GMDS: variants seen among roughly 807,000 people sequenced by gnomAD.
GMDS encodes GDP-mannose 4,6-dehydratase.
GMDS carries 20 observed loss-of-function variants against 49.9 expected under a neutral mutation model. The observed-to-expected ratio is 0.40, with a 90% CI of 0.28 to 0.58. GMDS has a LOEUF of 0.58. Among genes scored for constraint, GMDS ranks in the 20% least tolerant of loss-of-function variants. The pLI is 0.42. For synonymous variants in GMDS, 177 were observed against 178.6 expected (o/e 0.99, Z 0.07); for missense variants, 362 against 481.4 (o/e 0.75, Z 2.32).
At chr6:1,944,272 C>T (rs1037831965) in intron 6 of GMDS, among the ~76,000 whole-genome samples, 1 of 152,052 alleles carries the variant, frequency 6.6e-6, no homozygotes, top group Non-Finnish European at 1.5e-5. Flanking sequence ...CTTGGGAGGC[C>T]GAGGCGGACG....
intron 9 of GMDS, among the ~76,000 whole-genome samples, chr6:1,630,578 C>T (rs535660667): frequency 1.3e-5 from 2 of 152,216 alleles, no homozygotes; most frequent in African/African-American, 4.8e-5. Flanking sequence ...TCAGAGGCTG[C>T]GCTGGGAAGC....
At chr6:2,205,253 G>C (rs1057369969) in intron 1 of GMDS, among the ~76,000 whole-genome samples, 1 of 152,156 alleles carries the variant, frequency 6.6e-6, no homozygotes, top group Non-Finnish European at 1.5e-5. Flanking sequence ...AGAGCTGTAT[G>C]TTCTTTGCTT....
At chr6:2,206,115 G>A (rs548086498) in intron 1 of GMDS, among the ~76,000 whole-genome samples, 246 of 152,152 alleles carry the variant, frequency 1.6e-3, no homozygotes, top group African/African-American at 5.3e-3. Flanking sequence ...AAAATTAGCC[G>A]GGCGTGGTGG....
At chr6:2,002,758 CT>C (rs1159786278) in intron 4 of GMDS, among the ~76,000 whole-genome samples, 2 of 152,118 alleles carry the variant, frequency 1.3e-5, no homozygotes, top group Admixed American at 6.5e-5. Context: ...AATACTACCC[CT>C]AGAAATAAAT....
intron 7 of GMDS, among the ~76,000 whole-genome samples, chr6:1,879,506 G>A (rs1403641246): frequency 6.6e-6 from 1 of 151,804 alleles, no homozygotes; most frequent in Non-Finnish European, 1.5e-5. Flanking sequence ...GCCAATATAG[G>A]CATTTTTATG....
intron 1 of GMDS, among the ~76,000 whole-genome samples, chr6:2,216,948 C>G (rs1293702221): frequency 6.6e-6 from 1 of 152,126 alleles, no homozygotes; most frequent in Admixed American, 6.5e-5. Flanking sequence ...GGTTCCTACT[C>G]CAGGACACTT....
intron 1 of GMDS, among the ~76,000 whole-genome samples, chr6:2,133,607 G>A (rs555814744): frequency 6.6e-6 from 1 of 152,294 alleles, no homozygotes; most frequent in Admixed American, 6.5e-5. Context: ...ATGCATTTCA[G>A]ATCTGCTCTG....
At chr6:1,999,063 C>A (rs374715260) in intron 4 of GMDS, among the ~76,000 whole-genome samples, 1 of 152,004 alleles carries the variant, frequency 6.6e-6, no homozygotes, top group African/African-American at 2.4e-5. Flanking sequence ...GTGGCTCACG[C>A]CTGTAATCCC....
intron 6 of GMDS, among the ~76,000 whole-genome samples, chr6:1,946,507 T>A (rs1021559684): frequency 2.4e-5 from 2 of 84,778 alleles, no homozygotes; most frequent in African/African-American, 1.1e-4. Flanking sequence ...TGCTATGCTA[T>A]CATTATCATT....
chr6:2,216,188 T>C (rs939371351), intron 1 of GMDS, among the ~76,000 whole-genome samples: 2 of 152,226 alleles, frequency 1.3e-5, no homozygotes, highest in Non-Finnish European at 2.9e-5. Flanking sequence ...AGATTTTAGA[T>C]TAAATAGTTT....
chr6:1,994,057 G>T (rs1022358932), intron 4 of GMDS, among the ~76,000 whole-genome samples: 1 of 152,170 alleles, frequency 6.6e-6, no homozygotes, highest in Non-Finnish European at 1.5e-5. Flanking sequence ...GACTTACAAG[G>T]AAGCCTGCAA....
Position 1,778,434 on chromosome 6 carries a change from G to A in GMDS, c.772-35848C>T, listed in dbSNP as rs1768929927. ...GAGACAGCAGACGAGTGGAACGGCG[G>A]GCACTGTGCTGAGGAGTGGCCAAGG... On this transcript the variant is annotated intron_variant, in intron 7 of 10. Coordinates refer to ENST00000380815, the MANE Select transcript of GMDS (RefSeq NM_001500.4). This position sits in a 1 kb window ranked among gnomAD's most constrained non-coding sequence, Gnocchi z 4.6. 6.6e-6 allele frequency among the ~76,000 whole-genome samples: 1 copy of A among 152,180 alleles called. No individual in the cohort carries two copies. The highest frequency in any genetic ancestry group is 6.5e-5 in the Admixed American group (1 of 15,280).
At chr6:1,880,284 CAA>C (rs34490393) in intron 7 of GMDS, among the ~76,000 whole-genome samples, 109 of 59,128 alleles carry the variant, frequency 1.8e-3, no homozygotes, top group African/African-American at 4.1e-3. Context: ...CTCATTTCCA[CAA>C]AAAAAAAAAA....
chr6:1,990,066 G>A (rs1321494907), intron 4 of GMDS, among the ~76,000 whole-genome samples: 1 of 152,232 alleles, frequency 6.6e-6, no homozygotes, highest in African/African-American at 2.4e-5. Flanking sequence ...GGAGGCCAAG[G>A]CGGGTGGATC....
At chr6:2,127,433 C>T (rs1775510175) in intron 1 of GMDS, among the ~76,000 whole-genome samples, 1 of 151,508 alleles carries the variant, frequency 6.6e-6, no homozygotes, top group Non-Finnish European at 1.5e-5. Flanking sequence ...CAGAGGTAAA[C>T]GTGCTAGAGA....
intron 9 of GMDS, among the ~76,000 whole-genome samples, chr6:1,643,830 T>G (rs1454939831): frequency 6.6e-6 from 1 of 151,954 alleles, no homozygotes; most frequent in African/African-American, 2.4e-5. Flanking sequence ...TGTTTAAAAA[T>G]TAAAAAAAGT....
At chr6:1,674,461 A>C (rs1337491399) in intron 9 of GMDS, among the ~76,000 whole-genome samples, 1 of 149,702 alleles carries the variant, frequency 6.7e-6, no homozygotes, top group Non-Finnish European at 1.5e-5. Flanking sequence ...CCCAGTCTTG[A>C]CTTGTCTACT....
chr6:1,728,975 A>C (rs1766692909), intron 8 of GMDS, among the ~76,000 whole-genome samples: 2 of 152,038 alleles, frequency 1.3e-5, no homozygotes, highest in Admixed American at 6.6e-5. Context: ...CAAAAAACCA[A>C]AAACAAAACC....
intron 7 of GMDS, among the ~76,000 whole-genome samples, chr6:1,891,180 T>C (rs543405832): frequency 1.3e-3 from 194 of 152,314 alleles, no homozygotes; most frequent in Admixed American, 3.4e-3. Flanking sequence ...ACCACGTGGT[T>C]TCCATTTCTA....
Sources: gnomAD v4.1 joint callset for allele counts (sites outside exome capture counted in the v4.1 genomes callset) on GRCh38, gnomAD v4.1.1 for gene constraint, Gnocchi (gnomAD v3.1) non-coding constraint, MANE v1.5 for transcripts, NCBI Gene and HGNC (gene_info 2026-07-23, HGNC 2026-07-21) for gene names.